TRPM3: variants seen among roughly 807,000 people sequenced by gnomAD.
The protein encoded by TRPM3 is transient receptor potential cation channel subfamily M member 3.
In TRPM3, 77 loss-of-function variants were observed where a neutral mutation model predicts 181.2. The observed-to-expected ratio is 0.42, with a 90% CI of 0.35 to 0.51. The LOEUF (loss-of-function observed/expected upper bound fraction) is 0.51, where lower values mean the gene tolerates loss of function less well. Ranked by LOEUF, TRPM3 falls within the 20% of genes least tolerant of loss-of-function variation. The pLI, the probability that TRPM3 is intolerant of heterozygous loss-of-function variation, is 0.01. For missense variants in TRPM3, 1,759 were observed against 2,196.7 expected (o/e 0.80, Z 3.98); for synonymous variants, 745 against 796.4 (o/e 0.94, Z 1.09).
intron 1 of TRPM3, among the ~76,000 whole-genome samples, chr9:70,961,026 C>T (rs185898746): frequency 3.9e-5 from 6 of 152,256 alleles, no homozygotes; most frequent in African/African-American, 1.2e-4. Context: ...AATATGTTAT[C>T]TTACATGGCA....
Position 70,535,260 on chromosome 9 carries a change from G to C in TRPM3, c.*693C>G, listed in dbSNP as rs912588074. Reference sequence around the variant, plus strand: ...GATTGCAATACAAAAAGGCATTTCTGTTCCCTTATTTTCTTCAAAAAAGGA... The same window carrying C: ...GATTGCAATACAAAAAGGCATTTCTCTTCCCTTATTTTCTTCAAAAAAGGA... On this transcript the variant is annotated 3_prime_UTR_variant, in exon 26 of 26. Coordinates refer to ENST00000677713, the MANE Select transcript of TRPM3 (RefSeq NM_001366145.2). 1 of 735,064 alleles carries C rather than the reference G, an allele frequency of 1.4e-6. No individual in the cohort carries two copies. The highest frequency in any genetic ancestry group is 2.7e-4 in the Middle Eastern group (1 of 3,672). The allele number at this position is 735,064 out of a possible 1,614,324, so 45.5% of individuals were successfully genotyped here.
chr9:71,051,325 A>G (rs898356776), intron 1 of TRPM3, among the ~76,000 whole-genome samples: 43 of 152,176 alleles, frequency 2.8e-4, no homozygotes, highest in African/African-American at 9.9e-4. Context: ...AGTTTACTAA[A>G]TCCATTACTA....
chr9:70,785,693 T>G (rs906854665), intron 6 of TRPM3, among the ~76,000 whole-genome samples: 1 of 152,222 alleles, frequency 6.6e-6, no homozygotes, highest in African/African-American at 2.4e-5. Context: ...AGGATATTTT[T>G]GACTTATGTG....
intron 7 of TRPM3, among the ~76,000 whole-genome samples, chr9:70,762,685 C>T (rs930722285): frequency 1.3e-5 from 2 of 152,152 alleles, no homozygotes; most frequent in Non-Finnish European, 2.9e-5. Flanking sequence ...AATAAATTAT[C>T]TCAGTTGCTG....
At chr9:70,865,841 C>A (rs2095639202) in intron 1 of TRPM3, among the ~76,000 whole-genome samples, 1 of 152,082 alleles carries the variant, frequency 6.6e-6, no homozygotes, top group African/African-American at 2.4e-5. Flanking sequence ...CAGATGGAAT[C>A]ATTTCTGGGT....
intron 1 of TRPM3, among the ~76,000 whole-genome samples, chr9:71,432,514 C>T (rs1450512906): frequency 2.2e-5 from 2 of 92,412 alleles, no homozygotes; most frequent in African/African-American, 5.0e-5. Context: ...CTTTTTGTAG[C>T]TGTAAACCAG....
rs549897752 is a variant in TRPM3, at chr9:71,256,066, C to G, written c.183+190587G>C. On this transcript the variant is annotated intron_variant, in intron 1 of 24. Transcript: ENST00000357533. ...TCAGCCCATCTGAAGGCCATTCTAT[C>G]TCTTTTCTCTTTTATTCAGAAGGAT... Among the ~76,000 whole-genome samples the G allele has an allele frequency of 3.3e-5, 5 of 152,320 alleles. No individual in the cohort carries two copies. The South Asian group carries it at 1.0e-3, about 32-fold the overall frequency.
At chr9:70,671,330 G>A (rs2062875359) in intron 9 of TRPM3, among the ~76,000 whole-genome samples, 1 of 152,084 alleles carries the variant, frequency 6.6e-6, no homozygotes, top group African/African-American at 2.4e-5. Context: ...CCACATGCAG[G>A]GACTGTGGGT....
At chr9:71,091,235 G>A (rs535033109) in intron 1 of TRPM3, among the ~76,000 whole-genome samples, 4 of 152,182 alleles carry the variant, frequency 2.6e-5, no homozygotes, top group African/African-American at 9.6e-5. Flanking sequence ...TATGTTAAAG[G>A]ATAAAGAAGA....
At chr9:70,846,646 G>A (rs2094965348) in intron 3 of TRPM3, 55 bp from the exon 4 acceptor site, 1 of 1,441,428 alleles carries the variant, frequency 6.9e-7, no homozygotes, top group Non-Finnish European at 9.7e-7. Flanking sequence ...GCTGAGGCTG[G>A]TTATCTTTAC....
intron 1 of TRPM3, among the ~76,000 whole-genome samples, chr9:71,358,569 C>T (rs79521041): frequency 0.014 from 2,135 of 152,252 alleles, 42 homozygotes; most frequent in African/African-American, 0.046. Flanking sequence ...GGCCATGAGC[C>T]TAAATGCCTA....
chr9:70,927,157 T>C (rs576351421), intron 1 of TRPM3, among the ~76,000 whole-genome samples: 145 of 152,330 alleles, frequency 9.5e-4, no homozygotes, highest in Non-Finnish European at 1.6e-3. Flanking sequence ...CCTTTGAATC[T>C]GAGTTTATTG....
intron 1 of TRPM3, among the ~76,000 whole-genome samples, chr9:70,976,203 G>A (rs556287369): frequency 6.6e-6 from 1 of 152,232 alleles, no homozygotes; most frequent in African/African-American, 2.4e-5. Context: ...AACTCAGCAT[G>A]ACACATGGGT....
At chr9:70,800,584 G>C (rs1211905450) in intron 6 of TRPM3, among the ~76,000 whole-genome samples, 1 of 152,104 alleles carries the variant, frequency 6.6e-6, no homozygotes, top group Non-Finnish European at 1.5e-5. Context: ...TTTCTTCTCA[G>C]CCTACTCGGT....
chr9:71,445,952 C>T (rs562290930), intron 1 of TRPM3, among the ~76,000 whole-genome samples: 9 of 152,316 alleles, frequency 5.9e-5, no homozygotes, highest in Non-Finnish European at 4.4e-5. Context: ...ACTCAAAATG[C>T]AAATGCAGCT....
chr9:71,055,719 T>G (rs1245807291), intron 1 of TRPM3, among the ~76,000 whole-genome samples: 2 of 152,064 alleles, frequency 1.3e-5, no homozygotes, highest in African/African-American at 4.8e-5. Context: ...AAGACAATAT[T>G]ATATGTGCCA....
At chr9:71,214,271 T>A (rs2079703053) in intron 1 of TRPM3, among the ~76,000 whole-genome samples, 2 of 152,142 alleles carry the variant, frequency 1.3e-5, no homozygotes, top group Non-Finnish European at 2.9e-5. Flanking sequence ...GGAATATAAA[T>A]CACAGTTTAA....
chr9:71,442,397 T>C (rs10869022), intron 1 of TRPM3, among the ~76,000 whole-genome samples: 97,891 of 152,074 alleles, frequency 0.64, 34,272 homozygotes, highest in Non-Finnish European at 0.79. Flanking sequence ...AAACAAGCTT[T>C]TAAATAGCTG....
chr9:71,254,082 G>A (rs1418493902), intron 1 of TRPM3, among the ~76,000 whole-genome samples: 1 of 152,026 alleles, frequency 6.6e-6, no homozygotes, highest in Non-Finnish European at 1.5e-5. Context: ...ACCATGCCCG[G>A]CTAATTTTTG....
Sources: allele counts gnomAD v4.1 joint callset (sites outside exome capture counted in the v4.1 genomes callset), GRCh38; gene constraint gnomAD v4.1.1; transcripts MANE v1.5; gene names NCBI Gene and HGNC (gene_info 2026-07-23, HGNC 2026-07-21).